BACE2: variants seen among roughly 807,000 people sequenced by gnomAD.
BACE2 encodes the protein beta-secretase 2.
In BACE2, 17 loss-of-function variants were observed where a neutral mutation model predicts 46.2. The ratio of observed to expected loss-of-function variants is 0.37; its 90% CI spans 0.25 to 0.55. BACE2 has a LOEUF of 0.55. BACE2 is among the 20% of genes least tolerant of loss of function. BACE2 has a pLI of 0.82. For synonymous variants in BACE2, 277 were observed against 295.9 expected (o/e 0.94, Z 0.66); for missense variants, 595 against 698.1 (o/e 0.85, Z 1.66).
chr21:41,244,473 G>A (rs1285901127), intron 5 of BACE2, among the ~76,000 whole-genome samples: 3 of 152,192 alleles, frequency 2.0e-5, no homozygotes, highest in African/African-American at 7.2e-5. Flanking sequence ...GGGTCACAAG[G>A]TGCTCAGTGG....
At position 41,168,525 on chromosome 21, in the gene BACE2, T is replaced by C. The variant is rs1209889646; in HGVS notation, c.262T>C (p.Ser88Pro). Residue 88 changes from serine to proline, a missense_variant, in exon 1 of 9, where the codon TCT becomes CCT. This residue lies in a region of BACE2 where 248 missense variants were observed against 261.4 expected (regional missense o/e 0.95). Transcript: ENST00000330333. Reference protein sequence around the residue: ...LAMVDNLQGDSGRGYYLEMLI... With the variant: ...LAMVDNLQGDPGRGYYLEMLI... ...CATGGTAGACAACCTGCAGGGGGAC[T>C]CTGGCCGCGGCTACTACCTGGAGAT... 2 of 1,349,384 alleles carry C rather than the reference T, an allele frequency of 1.5e-6. No individual in the cohort carries two copies. Among genetic ancestry groups the C allele is most frequent in the South Asian group, 2.3e-5 (1 of 43,884 alleles). 83.6% of individuals were successfully genotyped at this position (1,349,384 alleles called of 1,614,324 possible).
chr21:41,206,186 C>T (rs1408818195), intron 1 of BACE2, among the ~76,000 whole-genome samples: 2 of 152,196 alleles, frequency 1.3e-5, no homozygotes, highest in Non-Finnish European at 2.9e-5. Flanking sequence ...GGTCCAGGTG[C>T]CAGCATGGTC....
In BACE2 at chr21:41,168,427, G is replaced by T. The variant is rs1270123997; in HGVS notation, c.164G>T (p.Arg55Leu). The stretch of plus-strand genomic sequence containing the variant: ...CCGGGACCCGGGACCCCTGCCGAGC[G>T]CCACGCCGACGGCTTGGCGCTCGCC... ...PTPGPGTPAE[R>L]HADGLALALE... The change falls in exon 1 of 9, where the codon CGC becomes CTC. Residue 55 changes from arginine to leucine, a missense_variant. Coordinates refer to ENST00000330333, the MANE Select transcript of BACE2 (RefSeq NM_012105.5). 7.2e-7 allele frequency: 1 copy of T among 1,398,220 alleles called. No individual in the cohort carries two copies. The highest frequency in any genetic ancestry group is 9.3e-7 in the Non-Finnish European group (1 of 1,074,034). The allele number at this position is 1,398,220 out of a possible 1,614,324, so 86.6% of individuals were successfully genotyped here.
rs530006445 is a variant in BACE2, at chr21:41,227,633, T to C, written c.401+1279T>C. Among the ~76,000 whole-genome samples the C allele has an allele frequency of 1.1e-3, 173 of 152,336 alleles. 1 individual carries two copies. In the Middle Eastern group the frequency reaches 0.014, roughly 12 times the overall value. On this transcript the variant is annotated intron_variant, in intron 2 of 8. Coordinates refer to ENST00000330333, the MANE Select transcript of BACE2 (RefSeq NM_012105.5). ...CTGGGGAGAGGGCTGTGGTGGCCAG[T>C]GCTCTATGAGGCTTCAGAAAAATAT...
chr21:41,272,773 T>C (rs1053135857), intron 8 of BACE2, among the ~76,000 whole-genome samples: 1 of 152,178 alleles, frequency 6.6e-6, no homozygotes, highest in Non-Finnish European at 1.5e-5. Context: ...TCTTACTAAG[T>C]TCCAATTGAT....
intron 1 of BACE2, among the ~76,000 whole-genome samples, chr21:41,215,478 C>A (rs992582302): frequency 6.6e-6 from 1 of 152,240 alleles, no homozygotes; most frequent in Non-Finnish European, 1.5e-5. Flanking sequence ...CAAAGACCCA[C>A]ATCTGCCCTG....
chr21:41,203,775 G>T (rs1053613370), intron 1 of BACE2, among the ~76,000 whole-genome samples: 1 of 152,138 alleles, frequency 6.6e-6, no homozygotes, highest in Non-Finnish European at 1.5e-5. Flanking sequence ...GGTCAGTAAA[G>T]GGCCCCAAGG....
At chr21:41,274,944 G>A (rs1167676108) in intron 8 of BACE2, among the ~76,000 whole-genome samples, 1 of 152,212 alleles carries the variant, frequency 6.6e-6, no homozygotes, top group African/African-American at 2.4e-5. Context: ...GGCAGGTCCA[G>A]CTGAGCTTTC....
intron 1 of BACE2, chr21:41,225,343 A>G (rs1239837754): frequency 6.6e-6 from 1 of 152,224 alleles, no homozygotes; most frequent in Non-Finnish European, 1.5e-5. Flanking sequence ...CAGTGTGTCC[A>G]TAGCTGTCTT....
intron 2 of BACE2, among the ~76,000 whole-genome samples, chr21:41,226,649 T>C (rs895502827): frequency 6.6e-5 from 10 of 152,234 alleles, no homozygotes; most frequent in Non-Finnish European, 1.2e-4. Flanking sequence ...AGGGAGCTTG[T>C]GGCCCTTTGG....
intron 1 of BACE2, chr21:41,182,117 A>G (rs983451838): frequency 1.8e-5 from 3 of 167,076 alleles, no homozygotes; most frequent in African/African-American, 4.8e-5. Context: ...AGCAAGATCA[A>G]TGCTCCTATT....
At chr21:41,180,498 C>T (rs907380559) in intron 1 of BACE2, 1 of 167,264 alleles carries the variant, frequency 6.0e-6, no homozygotes, top group East Asian at 1.9e-4. Context: ...AGAGGCAGGA[C>T]GATTTCATTC....
chr21:41,228,751 A>G (rs1363996127), intron 2 of BACE2, among the ~76,000 whole-genome samples: 1 of 152,186 alleles, frequency 6.6e-6, no homozygotes, highest in Non-Finnish European at 1.5e-5. Context: ...TTTCAACATG[A>G]GAATTGGAGG....
intron 3 of BACE2, among the ~76,000 whole-genome samples, chr21:41,238,156 G>A (rs895865793): frequency 1.3e-5 from 2 of 152,134 alleles, no homozygotes; most frequent in African/African-American, 4.8e-5. Flanking sequence ...AGGCTGGGAC[G>A]TGGCCTGTTT....
chr21:41,235,490 G>A (rs1334128733), intron 2 of BACE2, among the ~76,000 whole-genome samples: 1 of 152,168 alleles, frequency 6.6e-6, no homozygotes, highest in Non-Finnish European at 1.5e-5. Flanking sequence ...TGCAGTTACT[G>A]AATTAAAGAT....
chr21:41,269,213 CA>C (rs2088411089), intron 8 of BACE2, among the ~76,000 whole-genome samples: 1 of 152,138 alleles, frequency 6.6e-6, no homozygotes, highest in South Asian at 2.1e-4. Context: ...CTCGGCCTCC[CA>C]AAGTGCTGGG....
chr21:41,226,468 C>A, intron 2 of BACE2, 114 bp downstream of exon 2: 1 of 880,098 alleles, frequency 1.1e-6, no homozygotes, highest in Non-Finnish European at 1.8e-6. Flanking sequence ...AGGGGGATAC[C>A]AATATGTATG....
At chr21:41,234,365 T>G (rs1158643546) in intron 2 of BACE2, among the ~76,000 whole-genome samples, 1 of 152,218 alleles carries the variant, frequency 6.6e-6, no homozygotes, top group Non-Finnish European at 1.5e-5. Context: ...CACCAGGAGT[T>G]GGCAAACTCT....
chr21:41,192,197 A>G (rs1432082689), intron 1 of BACE2, among the ~76,000 whole-genome samples: 3 of 152,172 alleles, frequency 2.0e-5, no homozygotes, highest in African/African-American at 7.2e-5. Flanking sequence ...ATGCAGAACC[A>G]TCTGTGAACC....
Sources: allele counts gnomAD v4.1 joint callset (sites outside exome capture counted in the v4.1 genomes callset), GRCh38; gene constraint gnomAD v4.1.1; regional missense constraint gnomAD v4.1.1; transcripts MANE v1.5; gene names NCBI Gene and HGNC (gene_info 2026-07-23, HGNC 2026-07-21).